The following RSRC1 variants were observed in gnomAD, a reference collection of about 807,000 sequenced individuals.
RSRC1 encodes the protein arginine and serine rich coiled-coil 1.
A neutral mutation model predicts 49.1 loss-of-function variants in RSRC1; 39 were observed. The observed-to-expected ratio is 0.79, with a 90% CI of 0.61 to 1.04. RSRC1 has a LOEUF of 1.04. Ranked by LOEUF, RSRC1 falls within the 50% of genes least tolerant of loss-of-function variation. The pLI, the probability that RSRC1 is intolerant of heterozygous loss-of-function variation, is 0.00. For missense variants in RSRC1, 388 were observed against 402.4 expected (o/e 0.96, Z 0.31); for synonymous variants, 143 against 130.8 (o/e 1.09, Z -0.63).
chr3:158,462,110 A>T (rs968770477), intron 7 of RSRC1, among the ~76,000 whole-genome samples: 4 of 151,550 alleles, frequency 2.6e-5, no homozygotes, highest in Non-Finnish European at 4.4e-5. Context: ...ACCTTACTTG[A>T]CCCCCAAATA....
chr3:158,364,293 A>G (rs973881932), intron 6 of RSRC1, among the ~76,000 whole-genome samples: 1 of 152,084 alleles, frequency 6.6e-6, no homozygotes, highest in South Asian at 2.1e-4. Context: ...CTGACCACTC[A>G]CTATCTATGG....
chr3:158,427,730 G>T (rs1347120460), intron 6 of RSRC1, among the ~76,000 whole-genome samples: 1 of 151,306 alleles, frequency 6.6e-6, no homozygotes, highest in East Asian at 2.0e-4. Flanking sequence ...TTTTTATTCT[G>T]CTTTTTTGCA....
Position 158,481,167 on chromosome 3 carries a change from A to G in RSRC1, c.652+20164A>G, listed in dbSNP as rs371573227. Among the ~76,000 whole-genome samples the G allele has an allele frequency of 1.1e-4, 16 of 152,112 alleles. No homozygotes were observed. In the East Asian group the frequency reaches 1.9e-3, roughly 18 times the overall value. On this transcript the variant is annotated intron_variant, in intron 7 of 9. Coordinates refer to ENST00000611884, the MANE Select transcript of RSRC1 (RefSeq NM_001271838.2). ...TCATGTGACTCAGCCCCAGAAACCA[A>G]TTTCCTTAATTGGCATAGATTGTTC...
intron 3 of RSRC1, among the ~76,000 whole-genome samples, chr3:158,124,604 A>G (rs952581677): frequency 2.6e-5 from 4 of 152,050 alleles, no homozygotes; most frequent in African/African-American, 4.8e-5. Flanking sequence ...CTTGTTAGTT[A>G]TACGTCTGTT....
At chr3:158,194,594 C>T (rs1317388070) in intron 3 of RSRC1, among the ~76,000 whole-genome samples, 1 of 150,848 alleles carries the variant, frequency 6.6e-6, no homozygotes, top group Non-Finnish European at 1.5e-5. Flanking sequence ...TGTGCTGCAC[C>T]CATTAACTCG....
chr3:158,178,514 C>T lies in RSRC1; in HGVS notation c.321-24558C>T, dbSNP rs144746196. Among the ~76,000 whole-genome samples, 77 of 152,236 alleles carry T rather than the reference C, an allele frequency of 5.1e-4. 1 individual carries two copies. In the East Asian group the frequency reaches 0.012, roughly 23 times the overall value. On this transcript the variant is annotated intron_variant, in intron 3 of 9. Coordinates refer to ENST00000611884, the MANE Select transcript of RSRC1 (RefSeq NM_001271838.2). ...GATTTATCAATTTTTAAATTCTTTTCGATATACCAACTTTTGGGCTTATTG... is the reference window on the plus strand; with the variant it reads ...GATTTATCAATTTTTAAATTCTTTTTGATATACCAACTTTTGGGCTTATTG...
At chr3:158,351,031 T>C (rs1334231702) in intron 5 of RSRC1, among the ~76,000 whole-genome samples, 1 of 152,196 alleles carries the variant, frequency 6.6e-6, no homozygotes, top group African/African-American at 2.4e-5. Flanking sequence ...AAAATAACTA[T>C]AGATAGCAGT....
chr3:158,533,751 A>G (rs1712551444), intron 7 of RSRC1, among the ~76,000 whole-genome samples: 2 of 151,732 alleles, frequency 1.3e-5, no homozygotes, highest in Admixed American at 6.6e-5. Flanking sequence ...ACTAAGACCT[A>G]TACAGACAAA....
At chr3:158,360,223 G>A (rs1434013707) in intron 6 of RSRC1, among the ~76,000 whole-genome samples, 4 of 152,196 alleles carry the variant, frequency 2.6e-5, no homozygotes, top group African/African-American at 9.6e-5. Flanking sequence ...CAGCAGAGAA[G>A]GTAGCCTCTC....
At chr3:158,424,460 G>A (rs1735283569) in intron 6 of RSRC1, among the ~76,000 whole-genome samples, 1 of 151,054 alleles carries the variant, frequency 6.6e-6, no homozygotes. Context: ...GCTTTTTGAT[G>A]TGCTGCTGGA....
chr3:158,176,413 T>C (rs949132596), intron 3 of RSRC1, among the ~76,000 whole-genome samples: 1 of 152,182 alleles, frequency 6.6e-6, no homozygotes, highest in African/African-American at 2.4e-5. Context: ...ACTACAAGGC[T>C]ACAGTAACCA....
intron 6 of RSRC1, among the ~76,000 whole-genome samples, chr3:158,454,308 G>T (rs1737202395): frequency 6.6e-6 from 1 of 151,708 alleles, no homozygotes; most frequent in Non-Finnish European, 1.5e-5. Flanking sequence ...GTAAAATGGG[G>T]GTAATAATTG....
intron 5 of RSRC1, among the ~76,000 whole-genome samples, chr3:158,352,072 C>A (rs546632364): frequency 8.6e-5 from 13 of 151,646 alleles, no homozygotes; most frequent in Non-Finnish European, 1.8e-4. Context: ...GAGTTTGAGA[C>A]CAACCTGGGC....
intron 6 of RSRC1, among the ~76,000 whole-genome samples, chr3:158,392,219 C>T (rs953009276): frequency 6.6e-6 from 1 of 152,132 alleles, no homozygotes; most frequent in Non-Finnish European, 1.5e-5. Context: ...TGCTTCTCCT[C>T]ACTAAAGAAC....
chr3:158,289,218 G>C (rs1050600343), intron 4 of RSRC1, among the ~76,000 whole-genome samples: 1 of 152,020 alleles, frequency 6.6e-6, no homozygotes. Context: ...CTGTTATCTA[G>C]AGCATGACTT....
chr3:158,379,466 C>T (rs1232050447), intron 6 of RSRC1, among the ~76,000 whole-genome samples: 1 of 152,124 alleles, frequency 6.6e-6, no homozygotes, highest in Non-Finnish European at 1.5e-5. Context: ...TCCCAAAGTG[C>T]TGGGATTACA....
chr3:158,144,806 G>T lies in RSRC1; in HGVS notation c.320+20815G>T, dbSNP rs374784334. On this transcript the variant is annotated intron_variant, in intron 3 of 9. Transcript: ENST00000611884. ...TCCTCTCCGGCACCTGTTGTTTCCT[G>T]ACTTTCTAATGATCGCCATTCTTAC... Among the ~76,000 whole-genome samples, 24 of 152,258 alleles carry T rather than the reference G, an allele frequency of 1.6e-4. No homozygotes were observed. The South Asian group carries it at 5.0e-3, about 32-fold the overall frequency.
chr3:158,513,804 T>C (rs371379318), intron 7 of RSRC1, among the ~76,000 whole-genome samples: 4 of 152,350 alleles, frequency 2.6e-5, no homozygotes. Flanking sequence ...GATCCTGTTA[T>C]TGGTCTATTC....
At chr3:158,260,740 C>T (rs770604572) in intron 4 of RSRC1, among the ~76,000 whole-genome samples, 4 of 152,196 alleles carry the variant, frequency 2.6e-5, no homozygotes, top group Admixed American at 6.5e-5. Context: ...CTAATTCCAA[C>T]GACTGGGATG....
Sources: gnomAD v4.1 joint callset for allele counts (sites outside exome capture counted in the v4.1 genomes callset) on GRCh38, gnomAD v4.1.1 for gene constraint, MANE v1.5 for transcripts, NCBI Gene and HGNC (gene_info 2026-07-23, HGNC 2026-07-21) for gene names.